Variants in EFL1 observed in about 807,000 individuals in gnomAD.
The protein encoded by EFL1 is elongation factor like GTPase 1.
In EFL1, 76 loss-of-function variants were observed where a neutral mutation model predicts 126.7. The observed-to-expected ratio is 0.60, with a 90% CI of 0.50 to 0.73. EFL1 has a LOEUF of 0.73. EFL1 is among the 30% of genes least tolerant of loss of function. The probability of loss-of-function intolerance (pLI) is 0.00; values close to 1 mark genes in which losing one functional copy is unlikely to be tolerated. For synonymous variants in EFL1, 410 were observed against 448.4 expected (o/e 0.91, Z 1.08); for missense variants, 1,128 against 1,343.2 (o/e 0.84, Z 2.50).
At chr15:82,141,785 G>A (rs1595937439) in intron 18 of EFL1, among the ~76,000 whole-genome samples, 1 of 152,166 alleles carries the variant, frequency 6.6e-6, no homozygotes, top group East Asian at 1.9e-4. Context: ...AGGAAAGTGG[G>A]GCAAACAGAC....
intron 15 of EFL1, among the ~76,000 whole-genome samples, chr15:82,191,957 CAG>C (rs2074364507): frequency 6.6e-6 from 1 of 151,944 alleles, no homozygotes; most frequent in South Asian, 2.1e-4. Flanking sequence ...CACATGTTAA[CAG>C]AGTGAAATTT....
intron 15 of EFL1, among the ~76,000 whole-genome samples, chr15:82,182,682 G>A (rs570062799): frequency 9.9e-5 from 15 of 152,062 alleles, no homozygotes; most frequent in Admixed American, 2.6e-4. Context: ...AAAATTAGCC[G>A]GGCGTGGTGG....
At chr15:82,251,032 T>C (rs1295037994) in intron 4 of EFL1, among the ~76,000 whole-genome samples, 2 of 151,698 alleles carry the variant, frequency 1.3e-5, no homozygotes, top group Admixed American at 1.3e-4. Flanking sequence ...GCCAACATGG[T>C]GAAACCCCGC....
chr15:82,196,498 C>G (rs2074409250), intron 15 of EFL1, among the ~76,000 whole-genome samples: 1 of 152,140 alleles, frequency 6.6e-6, no homozygotes, highest in African/African-American at 2.4e-5. Flanking sequence ...CTCAGCTATA[C>G]AACTACACAG....
chr15:82,257,389 T>C (rs2141344142), intron 3 of EFL1, among the ~76,000 whole-genome samples: 1 of 152,302 alleles, frequency 6.6e-6, no homozygotes, highest in South Asian at 2.1e-4. Context: ...TTTAAAGTCA[T>C]TCATTCAAAA....
intron 15 of EFL1, among the ~76,000 whole-genome samples, chr15:82,183,179 G>A (rs945902391): frequency 6.6e-6 from 1 of 152,172 alleles, no homozygotes; most frequent in African/African-American, 2.4e-5. Context: ...GCGGCAAAAA[G>A]TACCAATGTC....
intron 14 of EFL1, among the ~76,000 whole-genome samples, chr15:82,218,537 C>T (rs976824028): frequency 4.6e-5 from 7 of 152,154 alleles, no homozygotes; most frequent in African/African-American, 1.4e-4. Flanking sequence ...TTCTTGCTCA[C>T]TTACCTTCAC....
At chr15:82,261,088 A>T (rs1286067372) in intron 2 of EFL1, among the ~76,000 whole-genome samples, 1 of 152,098 alleles carries the variant, frequency 6.6e-6, no homozygotes. Context: ...ACCTGTAATG[A>T]TTATCTCCAT....
chr15:82,145,446 T>C (rs1749591147), intron 18 of EFL1, among the ~76,000 whole-genome samples: 1 of 151,936 alleles, frequency 6.6e-6, no homozygotes, highest in Non-Finnish European at 1.5e-5. Flanking sequence ...TCCATAAATA[T>C]ACCTACTACA....
At chr15:82,261,594 T>C (rs1363134871) in intron 2 of EFL1, 94 bp downstream of exon 2, 11 of 1,189,212 alleles carry the variant, frequency 9.2e-6, no homozygotes, top group Admixed American at 2.4e-5. Context: ...TTAGCAAACA[T>C]CACTCTCAGC....
chr15:82,194,667 G>A (rs373750528), intron 15 of EFL1, among the ~76,000 whole-genome samples: 3 of 152,180 alleles, frequency 2.0e-5, no homozygotes, highest in East Asian at 1.9e-4. Context: ...GGTGAAAGGC[G>A]ACACTATTAA....
At chr15:82,219,577 C>T in intron 14 of EFL1, 75 bp downstream of exon 14, 6 of 1,464,116 alleles carry the variant, frequency 4.1e-6, no homozygotes, top group Admixed American at 2.2e-5. Context: ...AAGATAATCA[C>T]CAGTCCCAAC....
intron 12 of EFL1, among the ~76,000 whole-genome samples, chr15:82,221,955 C>G (rs11855144): frequency 0.66 from 101,145 of 152,138 alleles, 35,396 homozygotes; most frequent in African/African-American, 0.89. Context: ...CCCAGGCTGA[C>G]CATTCTAGCC....
intron 15 of EFL1, among the ~76,000 whole-genome samples, chr15:82,206,464 T>C (rs528060477): frequency 6.6e-6 from 1 of 152,198 alleles, no homozygotes; most frequent in East Asian, 1.9e-4. Context: ...TTAATAAATA[T>C]TATTATGGGA....
rs759553705 is a variant in EFL1, at chr15:82,151,849, T to A, written c.2605A>T (p.Ile869Phe). 3 of 1,614,154 alleles carry A rather than the reference T, an allele frequency of 1.9e-6. No homozygotes were observed. The change falls in exon 18 of 20, where the codon ATT (isoleucine) becomes TTT (phenylalanine). Residue 869 changes from isoleucine to phenylalanine, a missense_variant. Physicochemically the swap from Ile to Phe is conservative, Grantham distance 21. Around this residue, in one of 6 missense-constraint regions of EFL1, gnomAD observed 561 missense variants for 641.7 expected, o/e 0.87. Coordinates refer to ENST00000268206, the MANE Select transcript of EFL1 (RefSeq NM_024580.6). ...ASRYRDLGNS[I>F]VSGFQLATLS... is the part of the protein sequence containing the mutation. ...GTTGCTAGTTGGAAGCCACTCACAA[T>A]GCTATTGCCCAAATCTCGGTATCTA...
chr15:82,135,173 T>G lies in EFL1; in HGVS notation c.3174+3485A>C, dbSNP rs969101138. The stretch of plus-strand genomic sequence containing the variant: ...GGATGGTACAAAACTGGGGCAAAAC[T>G]TTTCTTGAGAATATTTTTCTCTCAA... On this transcript the variant is annotated intron_variant, in intron 19 of 19. Transcript: ENST00000268206. 3.3e-5 allele frequency among the ~76,000 whole-genome samples: 5 copies of G among 152,320 alleles called. No individual in the cohort carries two copies. In the South Asian group the frequency reaches 1.0e-3, roughly 32 times the overall value.
At chr15:82,155,661 T>C (rs768082869) in intron 17 of EFL1, among the ~76,000 whole-genome samples, 33 of 152,346 alleles carry the variant, frequency 2.2e-4, no homozygotes, top group Middle Eastern at 3.4e-3. Flanking sequence ...CCAAATCATA[T>C]TCCAAAATAG....
chr15:82,248,351 G>A (rs1158222211), intron 4 of EFL1, among the ~76,000 whole-genome samples: 4 of 152,074 alleles, frequency 2.6e-5, no homozygotes, highest in Non-Finnish European at 4.4e-5. Flanking sequence ...ATGGGTAAAC[G>A]TTCACACAGC....
At chr15:82,149,780 A>G (rs1223642697) in intron 18 of EFL1, among the ~76,000 whole-genome samples, 1 of 152,218 alleles carries the variant, frequency 6.6e-6, no homozygotes, top group African/African-American at 2.4e-5. Context: ...AGATGATTGG[A>G]AACTAGCAGG....
Sources: gnomAD v4.1 joint callset for allele counts (sites outside exome capture counted in the v4.1 genomes callset) on GRCh38, gnomAD v4.1.1 for gene constraint, gnomAD v4.1.1 regional missense constraint, MANE v1.5 for transcripts, NCBI Gene and HGNC (gene_info 2026-07-23, HGNC 2026-07-21) for gene names.